The following RMND5A variants were observed in gnomAD, a reference collection of about 807,000 sequenced individuals.
RMND5A encodes the protein required for meiotic nuclear division 5 homolog A, also known as E3 ubiquitin-protein transferase RMND5A.
RMND5A carries 17 observed loss-of-function variants against 49.7 expected under a neutral mutation model. That is an observed-to-expected ratio of 0.34 (90% CI 0.23 to 0.51). The LOEUF is 0.51. RMND5A is among the 20% of genes least tolerant of loss of function. The pLI is 0.96. For synonymous variants in RMND5A, 156 were observed against 167.7 expected (o/e 0.93, Z 0.54); for missense variants, 255 against 471.3 (o/e 0.54, Z 4.25).
rs865796622 is a variant in RMND5A, at chr2:86,765,144, A to G, written c.639A>G (p.Ala213=). 1 of 1,614,128 alleles carries G rather than the reference A, an allele frequency of 6.2e-7. No homozygotes were observed. The highest frequency in any genetic ancestry group is 1.1e-5 in the South Asian group (1 of 91,074). The change falls in exon 5 of 9, where the codon GCA becomes GCG. Residue 213 remains alanine, a synonymous_variant. Transcript: ENST00000283632. ...LMGGTTNQRE[A]LQYAKNFQPF... is the part of the protein sequence containing the mutation. ...GTGGAACCACAAATCAGCGAGAGGC[A>G]TTACAATATGCTAAAAATTTTCAGC...
In RMND5A at chr2:86,776,912, A is replaced by T. The variant is rs941064097; in HGVS notation, c.*3501A>T. ...AATGTTAGCAAGGAACACATAGAAG[A>T]TTTGGTGTTTCATAAGCCTGTCTAG... On this transcript the variant is annotated 3_prime_UTR_variant, in exon 9 of 9. Coordinates refer to ENST00000283632, the MANE Select transcript of RMND5A (RefSeq NM_022780.4). 1.3e-5 allele frequency: 2 copies of T among 152,336 alleles called. No individual in the cohort carries two copies. Among genetic ancestry groups the T allele is most frequent in the Middle Eastern group, 6.8e-3 (2 of 294 alleles). 9.4% of individuals were successfully genotyped at this position (152,336 alleles called of 1,614,324 possible).
intron 2 of RMND5A, among the ~76,000 whole-genome samples, chr2:86,751,310 C>T (rs1251288520): frequency 6.6e-6 from 1 of 152,064 alleles, no homozygotes; most frequent in Non-Finnish European, 1.5e-5. Context: ...CAATATGGGA[C>T]CTAGGAATTA....
At chr2:86,758,496 C>T (rs538284788) in intron 4 of RMND5A, among the ~76,000 whole-genome samples, 17 of 152,114 alleles carry the variant, frequency 1.1e-4, no homozygotes, top group Non-Finnish European at 1.8e-4. Flanking sequence ...ATTGAATATC[C>T]GTTGCACATT....
At chr2:86,762,107 A>C (rs1425220193) in intron 4 of RMND5A, among the ~76,000 whole-genome samples, 1 of 152,232 alleles carries the variant, frequency 6.6e-6, no homozygotes, top group Non-Finnish European at 1.5e-5. Flanking sequence ...GTATAAAATT[A>C]ATACATGTTC....
Position 86,765,153 on chromosome 2 carries a change from T to C in RMND5A, c.648T>C (p.Tyr216=). The change falls in exon 5 of 9, where the codon TAT becomes TAC. Residue 216 remains tyrosine, a synonymous_variant. Transcript: ENST00000283632. Reference sequence around the variant, plus strand: ...CAAATCAGCGAGAGGCATTACAATATGCTAAAAATTTTCAGCCATTTGCCC... The same window carrying C: ...CAAATCAGCGAGAGGCATTACAATACGCTAAAAATTTTCAGCCATTTGCCC... ...GTTNQREALQ[Y]AKNFQPFALN... is the part of the protein sequence containing the mutation. The C allele has an allele frequency of 1.2e-6, 2 of 1,613,390 alleles. No homozygotes were observed.
At chr2:86,764,952 A>T in intron 4 of RMND5A, 75 bp from the exon 5 acceptor site, 7 of 1,421,996 alleles carry the variant, frequency 4.9e-6, no homozygotes, top group Admixed American at 2.4e-5. Context: ...TTTTTGTTTT[A>T]CTGGGTTTCA....
rs371682439 is a variant in RMND5A, at chr2:86,753,417, A to T, written c.421-41A>T. 3 of 1,215,112 alleles carry T rather than the reference A, an allele frequency of 2.5e-6. No homozygotes were observed. In the African/African-American group the frequency reaches 4.5e-5, roughly 18 times the overall value. The allele number at this position is 1,215,112 out of a possible 1,614,324, so 75.3% of individuals were successfully genotyped here. A position where few individuals can be genotyped will look rare whatever the true frequency, so the allele number is the denominator to read the frequency against. The stretch of plus-strand genomic sequence containing the variant: ...CTTTTACCACTAGCTCCTTACCCTG[A>T]TTACTGCTAACAAAAGTTCTTTCTT... On this transcript the variant is annotated intron_variant, in intron 3 of 8. Coordinates refer to ENST00000283632, the MANE Select transcript of RMND5A (RefSeq NM_022780.4).
intron 4 of RMND5A, among the ~76,000 whole-genome samples, chr2:86,758,431 T>C (rs1378777230): frequency 6.6e-6 from 1 of 152,200 alleles, no homozygotes; most frequent in Non-Finnish European, 1.5e-5. Flanking sequence ...ATTTAGCCAG[T>C]TCCTATGGAT....
At chr2:86,767,727 T>C (rs564232557) in intron 6 of RMND5A, among the ~76,000 whole-genome samples, 1 of 152,248 alleles carries the variant, frequency 6.6e-6, no homozygotes, top group South Asian at 2.1e-4. Flanking sequence ...AAAAGTTTAA[T>C]GGTAAAGTTT....
chr2:86,767,320 C>T (rs1245541900), intron 6 of RMND5A, among the ~76,000 whole-genome samples: 1 of 152,222 alleles, frequency 6.6e-6, no homozygotes, highest in African/African-American at 2.4e-5. Context: ...GCCTTGGCCT[C>T]CCAAGGTGCT....
At chr2:86,724,285 G>A (rs1681263660) in intron 1 of RMND5A, among the ~76,000 whole-genome samples, 1 of 96,080 alleles carries the variant, frequency 1.0e-5, no homozygotes, top group African/African-American at 4.9e-5. Flanking sequence ...GAATACTGAA[G>A]AGCTCTGCCG....
intron 1 of RMND5A, among the ~76,000 whole-genome samples, chr2:86,729,017 G>A (rs1431292342): frequency 3.3e-5 from 5 of 152,082 alleles, no homozygotes; most frequent in African/African-American, 1.2e-4. Context: ...GCCTCCCAAA[G>A]TGCTAGGATT....
intron 4 of RMND5A, among the ~76,000 whole-genome samples, chr2:86,754,715 C>T (rs975745501): frequency 6.6e-5 from 10 of 151,918 alleles, no homozygotes. Flanking sequence ...GCCGTTATGC[C>T]CAGCTAATTA....
intron 2 of RMND5A, among the ~76,000 whole-genome samples, chr2:86,750,630 T>C (rs923324536): frequency 6.6e-6 from 1 of 152,214 alleles, no homozygotes; most frequent in Non-Finnish European, 1.5e-5. Flanking sequence ...CCTTCTAGAA[T>C]CTGAGATTTA....
In RMND5A at chr2:86,777,765, A is replaced by G. The variant is rs955225147; in HGVS notation, c.*4354A>G. 3 of 152,242 alleles carry G rather than the reference A, an allele frequency of 2.0e-5. No homozygotes were observed. The highest frequency in any genetic ancestry group is 7.2e-5 in the African/African-American group (3 of 41,456). The allele number at this position is 152,242 out of a possible 1,614,324, so 9.4% of individuals were successfully genotyped here. On this transcript the variant is annotated 3_prime_UTR_variant, in exon 9 of 9. Coordinates refer to ENST00000283632, the MANE Select transcript of RMND5A (RefSeq NM_022780.4). ...ACAGTAAAGTTGCATCTTATAGACT[A>G]TAGGCAATAAAGCTAACAATAAACC...
chr2:86,771,405 G>A, intron 7 of RMND5A, 153 bp from the exon 8 acceptor site: 2 of 569,148 alleles, frequency 3.5e-6, no homozygotes, highest in South Asian at 7.2e-5. Context: ...GAATCACTAA[G>A]ACTGTCCATC....
chr2:86,756,234 A>G (rs146739085), intron 4 of RMND5A, among the ~76,000 whole-genome samples: 1 of 152,196 alleles, frequency 6.6e-6, no homozygotes, highest in African/African-American at 2.4e-5. Context: ...TCTACAAAAA[A>G]ATAGAAAAAT....
intron 1 of RMND5A, among the ~76,000 whole-genome samples, chr2:86,721,428 TC>T (rs1450759353): frequency 6.6e-6 from 1 of 152,088 alleles, no homozygotes; most frequent in East Asian, 1.9e-4. Context: ...CTGACATGGT[TC>T]CTTGGAAACC....
chr2:86,721,725 A>C (rs1681229630), intron 1 of RMND5A, among the ~76,000 whole-genome samples: 1 of 151,202 alleles, frequency 6.6e-6, no homozygotes, highest in Admixed American at 6.6e-5. Context: ...GGACTTATTT[A>C]ATGGGTCTTT....
Sources: allele counts gnomAD v4.1 joint callset (sites outside exome capture counted in the v4.1 genomes callset), GRCh38; gene constraint gnomAD v4.1.1; transcripts MANE v1.5; gene names NCBI Gene and HGNC (gene_info 2026-07-23, HGNC 2026-07-21).